HIVEP3: variants seen among roughly 807,000 people sequenced by gnomAD.
HIVEP3 encodes the protein HIVEP zinc finger 3.
Under a neutral mutation model 152.8 loss-of-function variants are expected in HIVEP3, and 49 were observed. The ratio of observed to expected loss-of-function variants is 0.32; its 90% CI spans 0.26 to 0.41. HIVEP3 has a LOEUF of 0.41. HIVEP3 is among the 10% of genes least tolerant of loss of function. The probability of loss-of-function intolerance (pLI) is 1.00; values close to 1 mark genes in which losing one functional copy is unlikely to be tolerated. For synonymous variants in HIVEP3, 1,269 were observed against 1,289.0 expected (o/e 0.98, Z 0.33); for missense variants, 2,790 against 3,103.3 (o/e 0.90, Z 2.40).
At chr1:41,887,199 AG>A (rs1295741376) in intron 1 of HIVEP3, among the ~76,000 whole-genome samples, 1 of 152,232 alleles carries the variant, frequency 6.6e-6, no homozygotes, top group Non-Finnish European at 1.5e-5. Context: ...AAATATATTC[AG>A]GGAAAAAAGT....
At position 41,945,558 on chromosome 1, in the gene HIVEP3, A is replaced by G. The variant is rs569067287; in HGVS notation, n.120-27034T>C. 2.2e-3 allele frequency among the ~76,000 whole-genome samples: 330 copies of G among 152,306 alleles called. 1 individual carries two copies. The highest frequency in any genetic ancestry group is 7.6e-3 in the African/African-American group (316 of 41,556). ...GGCCGAGAGTTTGGTGATCTCTGGT[A>G]TCTCAGTCAGGTCAATGATAGGATG... On this transcript the variant is annotated intron_variant and non_coding_transcript_variant, in intron 1 of 3. Coordinates refer to the HIVEP3 transcript ENST00000489103.
chr1:41,923,803 G>C (rs1644953231), upstream of HIVEP3, among the ~76,000 whole-genome samples: 1 of 151,958 alleles, frequency 6.6e-6, no homozygotes, highest in South Asian at 2.1e-4. Context: ...AATAAAATAA[G>C]GCTTTAAAAA....
chr1:41,913,724 C>G (rs1253817045), intron 1 of HIVEP3, among the ~76,000 whole-genome samples: 1 of 152,184 alleles, frequency 6.6e-6, no homozygotes, highest in African/African-American at 2.4e-5. Flanking sequence ...GTTTCAACAT[C>G]TAATGCTAAG....
In HIVEP3 at chr1:41,506,587, TTTTG is replaced by T. The variant is rs1038907869; in HGVS notation, c.*3860_*3863del. The T allele has an allele frequency of 1.0e-3, 65 of 63,606 alleles. No individual in the cohort carries two copies. The highest frequency in any genetic ancestry group is 9.8e-3 in the Middle Eastern group (1 of 102). 3.9% of individuals were successfully genotyped at this position (63,606 alleles called of 1,614,324 possible). A position where few individuals can be genotyped will look rare whatever the true frequency, so the allele number is the denominator to read the frequency against. ...CTCTGTGCTTTAGACCTGCGTGGAT[TTTTG>T]TTTTTTTTTTTTGTTTGTTTCTGTT... On this transcript the variant is annotated 3_prime_UTR_variant, in exon 9 of 9. Coordinates refer to ENST00000372583, the MANE Select transcript of HIVEP3 (RefSeq NM_024503.5).
At chr1:41,599,693 C>T (rs539676918) in intron 3 of HIVEP3, among the ~76,000 whole-genome samples, 22 of 152,114 alleles carry the variant, frequency 1.4e-4, no homozygotes, top group Non-Finnish European at 2.9e-4. Context: ...AGATGTGGCA[C>T]CAAAAGCATA....
chr1:41,531,696 G>T (rs1474132670), intron 5 of HIVEP3, among the ~76,000 whole-genome samples: 1 of 108,626 alleles, frequency 9.2e-6, no homozygotes, highest in Non-Finnish European at 1.9e-5. Context: ...ATAGAGGACA[G>T]GGGAGATGGA....
At chr1:41,971,324 T>C (rs528682028) in intron 1 of HIVEP3, among the ~76,000 whole-genome samples, 1 of 152,300 alleles carries the variant, frequency 6.6e-6, no homozygotes, top group Non-Finnish European at 1.5e-5. Flanking sequence ...TACTAGTGGC[T>C]CCCCACTTCC....
rs146377641 is a variant in HIVEP3 at position 41,877,073 on chromosome 1, A to C, written c.-801+41340T>G. 4.1e-3 allele frequency among the ~76,000 whole-genome samples: 630 copies of C among 152,290 alleles called. 6 individuals are homozygous for C. The highest frequency in any genetic ancestry group is 0.015 in the African/African-American group (615 of 41,550). On this transcript the variant is annotated intron_variant, in intron 1 of 8. Coordinates refer to ENST00000372583, the MANE Select transcript of HIVEP3 (RefSeq NM_024503.5). ...AGTCCAGTGAATACACACACTGCTA[A>C]ATCCTAAAACTCTTCTTTCTTTTTT...
chr1:41,604,444 T>A (rs933597700), intron 3 of HIVEP3, among the ~76,000 whole-genome samples: 2 of 152,242 alleles, frequency 1.3e-5, no homozygotes, highest in African/African-American at 4.8e-5. Flanking sequence ...CGTGTGATGA[T>A]GTGAATGTGG....
At chr1:41,746,068 C>T (rs1385783224) in intron 1 of HIVEP3, among the ~76,000 whole-genome samples, 1 of 152,234 alleles carries the variant, frequency 6.6e-6, no homozygotes, top group Admixed American at 6.5e-5. Context: ...CATGCATTGG[C>T]AGTGCCTCCA....
intron 1 of HIVEP3, among the ~76,000 whole-genome samples, chr1:41,805,997 A>G (rs1650585357): frequency 6.6e-6 from 1 of 152,206 alleles, no homozygotes. Context: ...GGTTGAGATC[A>G]GTAAGCACAG....
intron 1 of HIVEP3, among the ~76,000 whole-genome samples, chr1:41,883,101 G>T (rs564862693): frequency 6.6e-6 from 1 of 152,132 alleles, no homozygotes; most frequent in African/African-American, 2.4e-5. Context: ...GAAAATACAG[G>T]GGCAGCATTC....
intron 1 of HIVEP3, among the ~76,000 whole-genome samples, chr1:41,759,367 T>C (rs563189277): frequency 7.9e-5 from 12 of 152,274 alleles, no homozygotes; most frequent in African/African-American, 2.9e-4. Context: ...TCCATTTTTA[T>C]GGCTGAATAA....
rs142480596 is a variant in HIVEP3, at chr1:41,947,595, G to A, written n.120-29071C>T. ...TTTAGTAAGATGAACACTTGAAGCA[G>A]AAGTGGCTTTCTAGGTCCTAAAGAA... On this transcript the variant is annotated intron_variant and non_coding_transcript_variant, in intron 1 of 3. Transcript: ENST00000489103. 2.2e-3 allele frequency among the ~76,000 whole-genome samples: 340 copies of A among 152,352 alleles called. 1 individual carries two copies. Among genetic ancestry groups the A allele is most frequent in the African/African-American group, 7.5e-3 (311 of 41,576 alleles).
chr1:41,771,097 A>G (rs965818899), intron 1 of HIVEP3, among the ~76,000 whole-genome samples: 3 of 152,254 alleles, frequency 2.0e-5, no homozygotes, highest in African/African-American at 7.2e-5. Flanking sequence ...GAGAAAAATC[A>G]TAGAAATAAA....
chr1:41,584,306 G>C lies in HIVEP3; in HGVS notation c.492C>G (p.Phe164Leu). 2 of 1,613,836 alleles carry C rather than the reference G, an allele frequency of 1.2e-6. No individual in the cohort carries two copies. Among genetic ancestry groups the C allele is most frequent in the Non-Finnish European group, 1.7e-6 (2 of 1,179,856 alleles). ...AGGAGACCTGGGAAGGACGAGGCAC[G>C]AAGACTTTGGGGACTCCAGGAAGGT... is the stretch of plus-strand genomic sequence containing the variant. ...PEDLPGVPKV[F>L]VPRPSQVSLK... is the part of the protein sequence containing the mutation. The change falls in exon 4 of 9, where the codon TTC (phenylalanine) becomes TTG (leucine). Residue 164 changes from phenylalanine (F) to leucine (L), a missense_variant. By Grantham distance (22) the Phe-to-Leu change is conservative (BLOSUM62 0). This residue lies in a region of HIVEP3 where 209 missense variants were observed against 237.0 expected (regional missense o/e 0.88). Coordinates refer to ENST00000372583, the MANE Select transcript of HIVEP3 (RefSeq NM_024503.5). This position sits in a 1 kb window ranked among gnomAD's most constrained non-coding sequence, Gnocchi z 5.2.
In HIVEP3 at chr1:41,778,581, C is replaced by T. The variant is rs571221459; in HGVS notation, c.-800-77586G>A. 2.6e-5 allele frequency among the ~76,000 whole-genome samples: 4 copies of T among 152,276 alleles called. No homozygotes were observed. The South Asian group carries it at 6.2e-4, about 24-fold the overall frequency. Reference sequence around the variant, plus strand: ...GGCAGGTCAGCCTGACAGTTGATCCCGTTCTGACATAGTTTTAGGGGCTGA... The same window carrying T: ...GGCAGGTCAGCCTGACAGTTGATCCTGTTCTGACATAGTTTTAGGGGCTGA... On this transcript the variant is annotated intron_variant, in intron 1 of 8. Coordinates refer to ENST00000372583, the MANE Select transcript of HIVEP3 (RefSeq NM_024503.5).
intron 5 of HIVEP3, among the ~76,000 whole-genome samples, chr1:41,549,477 T>G (rs1461632776): frequency 6.6e-6 from 1 of 152,342 alleles, no homozygotes; most frequent in East Asian, 1.9e-4. Context: ...TGAACTAGTT[T>G]ACACCCCCAC....
At chr1:41,836,409 C>A (rs1484706836) in intron 1 of HIVEP3, among the ~76,000 whole-genome samples, 2 of 152,258 alleles carry the variant, frequency 1.3e-5, no homozygotes, top group Admixed American at 6.5e-5. Context: ...GATGCCTGGT[C>A]TCCAGAGCTG....
Sources: gnomAD v4.1 joint callset for allele counts (sites outside exome capture counted in the v4.1 genomes callset) on GRCh38, gnomAD v4.1.1 for gene constraint, gnomAD v4.1.1 regional missense constraint, Gnocchi (gnomAD v3.1) non-coding constraint, MANE v1.5 for transcripts, NCBI Gene and HGNC (gene_info 2026-07-23, HGNC 2026-07-21) for gene names.